The following PCDH7 variants were observed in gnomAD, a reference collection of about 807,000 sequenced individuals.
PCDH7 encodes protocadherin 7, also known as protocadherin-7.
In PCDH7, 17 loss-of-function variants were observed where a neutral mutation model predicts 58.9. The observed-to-expected ratio is 0.29, with a 90% CI of 0.20 to 0.43. The LOEUF (loss-of-function observed/expected upper bound fraction) is 0.43, where lower values mean the gene tolerates loss of function less well. Ranked by LOEUF, PCDH7 falls within the 20% of genes least tolerant of loss-of-function variation. The pLI is 1.00. For synonymous variants in PCDH7, 664 were observed against 616.4 expected, an observed-to-expected ratio of 1.08 and a Z score of -1.14; for missense variants, 1,274 against 1,441.0, an observed-to-expected ratio of 0.88 and a Z score of 1.88.
intron 3 of PCDH7, among the ~76,000 whole-genome samples, chr4:31,058,886 A>G (rs972033060): frequency 2.0e-5 from 3 of 152,032 alleles, no homozygotes; most frequent in Non-Finnish European, 4.4e-5. Context: ...AGTGATACAC[A>G]GAATTGTGAA....
intron 1 of PCDH7, chr4:30,725,077 G>T: frequency 2.0e-6 from 2 of 1,001,748 alleles, no homozygotes; most frequent in Non-Finnish European, 2.4e-6. Context: ...GGATTTTACA[G>T]ATAAATAGAT....
chr4:30,979,511 A>G (rs1750370400), intron 3 of PCDH7, among the ~76,000 whole-genome samples: 1 of 151,986 alleles, frequency 6.6e-6, no homozygotes, highest in African/African-American at 2.4e-5. Flanking sequence ...AGTAGACCAA[A>G]AGTGGTTTGA....
downstream of PCDH7, among the ~76,000 whole-genome samples, chr4:30,736,590 T>C (rs1216578115): frequency 6.7e-6 from 1 of 150,332 alleles, no homozygotes; most frequent in Non-Finnish European, 1.5e-5. Flanking sequence ...GGCTGGAGTG[T>C]AGTTCCGCGA....
At chr4:31,121,007 T>C (rs1479373075) in intron 3 of PCDH7, among the ~76,000 whole-genome samples, 1 of 152,216 alleles carries the variant, frequency 6.6e-6, no homozygotes, top group Non-Finnish European at 1.5e-5. Flanking sequence ...TGCCCAAAGC[T>C]ATCCTTACCT....
intron 3 of PCDH7, among the ~76,000 whole-genome samples, chr4:30,963,183 C>G (rs559368161): frequency 3.9e-5 from 6 of 152,130 alleles, no homozygotes; most frequent in Non-Finnish European, 8.8e-5. Flanking sequence ...GGCTTTTGGC[C>G]TAAATCTAAT....
At position 30,888,481 on chromosome 4, in the gene PCDH7, G is replaced by A. The variant is rs148968029; in HGVS notation, c.71-31672G>A. ...GAGAGGATATTTATAGACTAGAAGA[G>A]ATATAGCAATCAAATATTTTATCAT... is the stretch of plus-strand genomic sequence containing the variant. On this transcript the variant is annotated intron_variant, in intron 1 of 3. Coordinates refer to the PCDH7 transcript ENST00000509759. Among the ~76,000 whole-genome samples the A allele has an allele frequency of 2.0e-5, 3 of 152,260 alleles. No homozygotes were observed. In the East Asian group the frequency reaches 5.8e-4, roughly 29 times the overall value.
At chr4:31,056,971 T>C (rs1757310019) in intron 3 of PCDH7, among the ~76,000 whole-genome samples, 1 of 152,224 alleles carries the variant, frequency 6.6e-6, no homozygotes, top group African/African-American at 2.4e-5. Context: ...TTAATTCATT[T>C]GTGTTACGTA....
At chr4:30,868,808 T>A (rs1047059283) in intron 1 of PCDH7, among the ~76,000 whole-genome samples, 2 of 152,120 alleles carry the variant, frequency 1.3e-5, no homozygotes, top group Non-Finnish European at 2.9e-5. Context: ...TGCATCTGTA[T>A]AGCCATATGC....
At chr4:30,944,182 G>A (rs977868077) in intron 2 of PCDH7, among the ~76,000 whole-genome samples, 1 of 152,048 alleles carries the variant, frequency 6.6e-6, no homozygotes, top group Non-Finnish European at 1.5e-5. Context: ...TACATGCTCT[G>A]TGTCAGTGCA....
At chr4:30,982,475 C>A (rs1345608014) in intron 3 of PCDH7, among the ~76,000 whole-genome samples, 1 of 152,200 alleles carries the variant, frequency 6.6e-6, no homozygotes, top group Admixed American at 6.5e-5. Context: ...ACCACCTTCT[C>A]TCTCATAGGA....
intron 1 of PCDH7, among the ~76,000 whole-genome samples, chr4:30,880,056 A>T (rs1736772473): frequency 6.6e-6 from 1 of 152,104 alleles, no homozygotes; most frequent in African/African-American, 2.4e-5. Context: ...AGTATACCAG[A>T]TTGACTCATG....
chr4:30,928,061 G>T (rs988299039), intron 2 of PCDH7, among the ~76,000 whole-genome samples: 1 of 152,036 alleles, frequency 6.6e-6, no homozygotes. Context: ...CTACAGCCTC[G>T]ACCTCCTGGG....
chr4:30,886,889 T>C lies in PCDH7; in HGVS notation c.71-33264T>C, dbSNP rs1226962933. Among the ~76,000 whole-genome samples, 41 of 145,552 alleles carry C rather than the reference T, an allele frequency of 2.8e-4. 1 individual carries two copies. Among genetic ancestry groups the C allele is most frequent in the Non-Finnish European group, 3.4e-4 (23 of 66,886 alleles). The stretch of plus-strand genomic sequence containing the variant: ...ATTGCAAGAACAAAAAACCAAACAC[T>C]GCATATTCTCACTCATAGGTGGGAA... On this transcript the variant is annotated intron_variant, in intron 1 of 3. Coordinates refer to the PCDH7 transcript ENST00000509759.
At chr4:30,926,674 A>G (rs1743916628) in intron 2 of PCDH7, among the ~76,000 whole-genome samples, 2 of 152,322 alleles carry the variant, frequency 1.3e-5, no homozygotes, top group Admixed American at 6.5e-5. Flanking sequence ...ACTTATAAAT[A>G]TAGCAAGGAC....
intron 3 of PCDH7, among the ~76,000 whole-genome samples, chr4:31,070,349 A>G (rs1485359762): frequency 6.6e-6 from 1 of 152,070 alleles, no homozygotes; most frequent in Non-Finnish European, 1.5e-5. Flanking sequence ...GACAATGAAT[A>G]CTTTTCAGAC....
At chr4:31,082,296 C>T (rs1287359743) in intron 3 of PCDH7, among the ~76,000 whole-genome samples, 1 of 152,160 alleles carries the variant, frequency 6.6e-6, no homozygotes, top group African/African-American at 2.4e-5. Flanking sequence ...TGGGATACAA[C>T]AACCTTAAGA....
intron 1 of PCDH7, among the ~76,000 whole-genome samples, chr4:30,784,678 A>G (rs1203155521): frequency 6.6e-6 from 1 of 152,148 alleles, no homozygotes; most frequent in Non-Finnish European, 1.5e-5. Context: ...AAAATTTTAC[A>G]TAGTATCTTT....
At chr4:31,099,845 T>C (rs1026459919) in intron 3 of PCDH7, among the ~76,000 whole-genome samples, 1 of 152,154 alleles carries the variant, frequency 6.6e-6, no homozygotes, top group Non-Finnish European at 1.5e-5. Context: ...TTCATTAGCC[T>C]TCGTAGGAAT....
chr4:31,007,444 G>T (rs558819638), intron 3 of PCDH7, among the ~76,000 whole-genome samples: 1 of 151,994 alleles, frequency 6.6e-6, no homozygotes, highest in African/African-American at 2.4e-5. Context: ...TCAATTGTTC[G>T]CATTGCAAAG....
Sources: gnomAD v4.1 joint callset for allele counts (sites outside exome capture counted in the v4.1 genomes callset) on GRCh38, gnomAD v4.1.1 for gene constraint, MANE v1.5 for transcripts, NCBI Gene and HGNC (gene_info 2026-07-23, HGNC 2026-07-21) for gene names.